The following SYNGR1 variants were observed in gnomAD, a reference collection of about 807,000 sequenced individuals.
SYNGR1 encodes synaptogyrin 1, also known as synaptogyrin-1.
A neutral mutation model predicts 26.1 loss-of-function variants in SYNGR1; 14 were observed. The observed-to-expected ratio is 0.54, with a 90% CI of 0.35 to 0.84. The LOEUF is 0.84. Ranked by LOEUF, SYNGR1 falls within the 40% of genes least tolerant of loss-of-function variation. The probability of loss-of-function intolerance (pLI) is 0.01; values close to 1 mark genes in which losing one functional copy is unlikely to be tolerated. For synonymous variants in SYNGR1, 141 were observed against 150.1 expected (o/e 0.94, Z 0.44); for missense variants, 319 against 332.9 (o/e 0.96, Z 0.33).
intron 1 of SYNGR1, among the ~76,000 whole-genome samples, chr22:39,351,919 A>C (rs1923924202): frequency 6.6e-6 from 1 of 152,146 alleles, no homozygotes; most frequent in African/African-American, 2.4e-5. Context: ...GGGTTTATAC[A>C]TATGCACATC....
intron 1 of SYNGR1, among the ~76,000 whole-genome samples, chr22:39,371,357 T>A (rs1198401805): frequency 6.6e-6 from 1 of 151,018 alleles, no homozygotes; most frequent in Non-Finnish European, 1.5e-5. Flanking sequence ...ATGCCTGTAA[T>A]CCCAGCTACT....
intron 2 of SYNGR1, 85 bp downstream of exon 2, chr22:39,374,638 C>A: frequency 7.1e-7 from 1 of 1,417,362 alleles, no homozygotes; most frequent in Non-Finnish European, 9.8e-7. Flanking sequence ...CCCTTCTTCC[C>A]ATGTTTCAGA....
chr22:39,376,817 A>G (rs1167418064), intron 3 of SYNGR1, among the ~76,000 whole-genome samples: 1 of 152,222 alleles, frequency 6.6e-6, no homozygotes, highest in East Asian at 1.9e-4. Context: ...GGACCTAGAG[A>G]AGGCAGAAGT....
chr22:39,372,481 C>G (rs1162201145), intron 1 of SYNGR1, among the ~76,000 whole-genome samples: 2 of 94,184 alleles, frequency 2.1e-5, no homozygotes, highest in Non-Finnish European at 3.8e-5. Context: ...GACGGAGTTT[C>G]TCTCTGTCAC....
At position 39,373,166 on chromosome 22, in the gene SYNGR1, C is replaced by T. The variant is rs1015613225; in HGVS notation, c.100-1150C>T. On this transcript the variant is annotated intron_variant, in intron 1 of 3. Coordinates refer to ENST00000328933, the MANE Select transcript of SYNGR1 (RefSeq NM_004711.5). ...ACACACACACACACACACACACACACATAGATAGATTTTTTTTTTTTTGAG... is the reference window on the plus strand; with the variant it reads ...ACACACACACACACACACACACACATATAGATAGATTTTTTTTTTTTTGAG... 8.0e-3 allele frequency among the ~76,000 whole-genome samples: 1,123 copies of T among 140,432 alleles called. 21 individuals are homozygous for T. The highest frequency in any genetic ancestry group is 0.029 in the African/African-American group (1,063 of 36,128). The allele number at this position is 140,432 out of a possible 152,430, so 92.1% of individuals were successfully genotyped here. A position where few individuals can be genotyped will look rare whatever the true frequency, so the allele number is the denominator to read the frequency against.
intron 1 of SYNGR1, among the ~76,000 whole-genome samples, chr22:39,365,714 A>G (rs1924712646): frequency 6.6e-6 from 1 of 152,086 alleles, no homozygotes; most frequent in Non-Finnish European, 1.5e-5. Context: ...CCTGAGCCTC[A>G]GTTTCCCCAC....
At chr22:39,381,605 A>T in intron 3 of SYNGR1, 91 bp from the exon 4 acceptor site, 10 of 1,343,324 alleles carry the variant, frequency 7.4e-6, no homozygotes, top group Non-Finnish European at 1.1e-5. Context: ...GTGTCCTGTG[A>T]ACTAACCACC....
chr22:39,369,200 G>C (rs1252544898), intron 1 of SYNGR1, among the ~76,000 whole-genome samples: 1 of 152,220 alleles, frequency 6.6e-6, no homozygotes, highest in East Asian at 1.9e-4. Flanking sequence ...TTTCTGGTAG[G>C]AGCCTTGGAC....
intron 1 of SYNGR1, among the ~76,000 whole-genome samples, chr22:39,355,868 A>G (rs1924121270): frequency 6.6e-6 from 1 of 152,124 alleles, no homozygotes; most frequent in African/African-American, 2.4e-5. Context: ...AATTACAAAA[A>G]ATTAGCCAGG....
At chr22:39,377,326 T>C in intron 3 of SYNGR1, 1 of 985,432 alleles carries the variant, frequency 1.0e-6, no homozygotes, top group East Asian at 1.1e-4. Flanking sequence ...CAGCCTTGGC[T>C]GCTCCACCCC....
rs1314156157 is a variant in SYNGR1 at position 39,364,419 on chromosome 22, G to A, written c.100-9897G>A. On this transcript the variant is annotated intron_variant, in intron 1 of 3. Transcript: ENST00000328933. ...GGGGATGATTTGCAGATTTTTATGG[G>A]GATTAAAATAGATGATTTAGGTGCC... The A allele has an allele frequency of 2.7e-5, 40 of 1,497,716 alleles. No individual in the cohort carries two copies. In the South Asian group the frequency reaches 4.5e-4, roughly 17 times the overall value. 92.8% of individuals were successfully genotyped at this position (1,497,716 alleles called of 1,614,324 possible).
intron 1 of SYNGR1, among the ~76,000 whole-genome samples, chr22:39,367,822 C>CAAAA (rs749046250): frequency 1.8e-5 from 1 of 54,340 alleles, no homozygotes; most frequent in African/African-American, 5.7e-5. Context: ...GACCCTGTCT[C>CAAAA]AAAAAAAAAA....
Position 39,381,957 on chromosome 22 carries a change from T to A in SYNGR1, c.*43T>A. ...CCCCCGCCCCTCCCCATCTGTCCCC[T>A]CTCTCCACACCCAGCCCCTGCTCCT... On this transcript the variant is annotated 3_prime_UTR_variant, in exon 4 of 4. Transcript: ENST00000328933. 1 of 1,550,128 alleles carries A rather than the reference T, an allele frequency of 6.5e-7. No homozygotes were observed.
chr22:39,354,015 C>G (rs889556930), intron 1 of SYNGR1, among the ~76,000 whole-genome samples: 1 of 152,156 alleles, frequency 6.6e-6, no homozygotes, highest in Non-Finnish European at 1.5e-5. Flanking sequence ...AGGCACCCAC[C>G]ACCATGCCCA....
intron 3 of SYNGR1, among the ~76,000 whole-genome samples, chr22:39,379,117 G>A (rs1925411318): frequency 6.6e-6 from 1 of 152,096 alleles, no homozygotes; most frequent in Non-Finnish European, 1.5e-5. Context: ...TACCCTCAGG[G>A]GGCTCTTCAC....
intron 3 of SYNGR1, chr22:39,378,056 GCT>G: frequency 8.4e-7 from 1 of 1,189,508 alleles, no homozygotes; most frequent in Non-Finnish European, 1.1e-6. Flanking sequence ...CCATACATGG[GCT>G]GCCTAGAGGC....
intron 1 of SYNGR1, among the ~76,000 whole-genome samples, chr22:39,357,566 G>GTGCGGCGCT (rs1400668608): frequency 6.6e-6 from 1 of 151,940 alleles, no homozygotes; most frequent in Non-Finnish European, 1.5e-5. Flanking sequence ...CCGGGGCTGC[G>GTGCGGCGCT]TGCGGCGCTT....
Position 39,384,349 on chromosome 22 carries a change from G to T in SYNGR1, c.*2435G>T, listed in dbSNP as rs1043046050. The T allele has an allele frequency of 2.5e-6, 1 of 396,650 alleles. No homozygotes were observed. Among genetic ancestry groups the T allele is most frequent in the Non-Finnish European group, 4.4e-6 (1 of 225,318 alleles). 24.6% of individuals were successfully genotyped at this position (396,650 alleles called of 1,614,324 possible). A position where few individuals can be genotyped will look rare whatever the true frequency, so the allele number is the denominator to read the frequency against. On this transcript the variant is annotated 3_prime_UTR_variant, in exon 4 of 4. Coordinates refer to ENST00000328933, the MANE Select transcript of SYNGR1 (RefSeq NM_004711.5). Reference sequence around the variant, plus strand: ...TGACAGGCCCTGCCTGCCACCCTAGGCAGGGAAAGCTGTCAAGACTCCTGC... The same window carrying T: ...TGACAGGCCCTGCCTGCCACCCTAGTCAGGGAAAGCTGTCAAGACTCCTGC...
intron 1 of SYNGR1, among the ~76,000 whole-genome samples, chr22:39,368,754 G>A (rs1173204556): frequency 4.0e-5 from 6 of 149,902 alleles, no homozygotes; most frequent in Non-Finnish European, 8.9e-5. Flanking sequence ...TTCTGTTTTT[G>A]GAAGGAGATC....
Sources: gnomAD v4.1 joint callset for allele counts (sites outside exome capture counted in the v4.1 genomes callset) on GRCh38, gnomAD v4.1.1 for gene constraint, MANE v1.5 for transcripts, NCBI Gene and HGNC (gene_info 2026-07-23, HGNC 2026-07-21) for gene names.